PAFAH1B1: variants seen among roughly 807,000 people sequenced by gnomAD.
PAFAH1B1 encodes platelet-activating factor acetylhydrolase IB subunit beta.
In PAFAH1B1, 2 loss-of-function variants were observed where a neutral mutation model predicts 57.5. The observed-to-expected ratio is 0.03, with a 90% CI of 0.01 to 0.11. PAFAH1B1 has a LOEUF of 0.11. PAFAH1B1 is among the 10% of genes least tolerant of loss of function. The probability of loss-of-function intolerance (pLI) is 1.00; values close to 1 mark genes in which losing one functional copy is unlikely to be tolerated. For missense variants in PAFAH1B1, 257 were observed against 512.0 expected (o/e 0.50, Z 4.81); for synonymous variants, 152 against 169.6 (o/e 0.90, Z 0.81).
rs574769094 is a variant in PAFAH1B1, at chr17:2,683,074, T to C, written c.*1272T>C. On this transcript the variant is annotated 3_prime_UTR_variant, in exon 11 of 11. Transcript: ENST00000397195. ...TAGAACAAACCCTTTTTGATCTTAA[T>C]GCTTCTGAAAACTAGGTCTGACTCT... The C allele has an allele frequency of 1.0e-3, 158 of 152,390 alleles. 1 individual carries two copies. Among genetic ancestry groups the C allele is most frequent in the African/African-American group, 3.7e-3 (152 of 41,580 alleles). 9.4% of individuals were successfully genotyped at this position (152,390 alleles called of 1,614,324 possible).
chr17:2,643,289 T>C (rs950164433), intron 2 of PAFAH1B1, among the ~76,000 whole-genome samples: 4 of 151,948 alleles, frequency 2.6e-5, no homozygotes, highest in African/African-American at 9.7e-5. Context: ...TTTTTTGTTT[T>C]CCCCCTTTTG....
rs2068101741 is a variant in PAFAH1B1 at position 2,597,853 on chromosome 17, G to T, written c.-191+3847G>T. On this transcript the variant is annotated intron_variant, in intron 1 of 10. Coordinates refer to ENST00000397195, the MANE Select transcript of PAFAH1B1 (RefSeq NM_000430.4). ...TTATGGCTTATATTTTAAGTATCCAGCAAAAATAAGACCCTCTTGTTTACA... is the reference window on the plus strand; with the variant it reads ...TTATGGCTTATATTTTAAGTATCCATCAAAAATAAGACCCTCTTGTTTACA... 2.0e-5 allele frequency among the ~76,000 whole-genome samples: 3 copies of T among 151,916 alleles called. No homozygotes were observed. In the South Asian group the frequency reaches 6.2e-4, roughly 32 times the overall value.
intron 2 of PAFAH1B1, among the ~76,000 whole-genome samples, chr17:2,652,527 G>C (rs1257362412): frequency 6.6e-6 from 1 of 152,166 alleles, no homozygotes; most frequent in Non-Finnish European, 1.5e-5. Context: ...ACTGACTTTT[G>C]CAGTTAGTTG....
At chr17:2,610,578 G>A (rs1259280344) in intron 1 of PAFAH1B1, among the ~76,000 whole-genome samples, 1 of 152,254 alleles carries the variant, frequency 6.6e-6, no homozygotes, top group South Asian at 2.1e-4. Context: ...GGAAGAAAAA[G>A]AATTGTCTTG....
At chr17:2,594,099 C>T in intron 1 of PAFAH1B1, 93 bp downstream of exon 1, 1 of 393,410 alleles carries the variant, frequency 2.5e-6, no homozygotes, top group Non-Finnish European at 4.5e-6. Context: ...GATGTGGCTG[C>T]GCCGGTCCCC....
intron 2 of PAFAH1B1, among the ~76,000 whole-genome samples, chr17:2,657,312 T>C (rs7212391): frequency 0.99 from 150,880 of 152,314 alleles, 74,750 homozygotes; most frequent in Middle Eastern, 1. Context: ...GGCGCCATCT[T>C]GGCTCACTGC....
At position 2,638,281 on chromosome 17, in the gene PAFAH1B1, C is replaced by T. The variant is rs777811569; in HGVS notation, c.-8C>T. The T allele has an allele frequency of 8.7e-6, 14 of 1,611,520 alleles. No individual in the cohort carries two copies. In the African/African-American group the frequency reaches 1.9e-4, roughly 22 times the overall value. On this transcript the variant is annotated 5_prime_UTR_variant, in exon 2 of 11. Transcript: ENST00000397195. ...ACTATATCAGATAAGCTTGACATTA[C>T]AGCCAAGATGGTGCTGTCCCAGAGA...
intron 2 of PAFAH1B1, among the ~76,000 whole-genome samples, chr17:2,662,586 G>A (rs932438147): frequency 3.3e-5 from 5 of 151,736 alleles, no homozygotes; most frequent in African/African-American, 1.2e-4. Flanking sequence ...TGTATTTTTA[G>A]TAGAGATGGG....
chr17:2,613,807 C>A, intron 1 of PAFAH1B1: 1 of 286,634 alleles, frequency 3.5e-6, no homozygotes, highest in South Asian at 4.4e-5. Flanking sequence ...TGATGCCGGG[C>A]GAGCATCTCC....
At chr17:2,599,557 C>G (rs2068117038) in intron 1 of PAFAH1B1, among the ~76,000 whole-genome samples, 1 of 152,124 alleles carries the variant, frequency 6.6e-6, no homozygotes. Context: ...GTACTAGTTG[C>G]ATTTGACTGA....
intron 6 of PAFAH1B1, among the ~76,000 whole-genome samples, chr17:2,670,768 G>T (rs1439177508): frequency 6.6e-6 from 1 of 152,158 alleles, no homozygotes; most frequent in Non-Finnish European, 1.5e-5. Context: ...GGGTCTTGTT[G>T]TGGGAACTGT....
chr17:2,618,255 A>C (rs2068373682), intron 1 of PAFAH1B1, among the ~76,000 whole-genome samples: 1 of 152,142 alleles, frequency 6.6e-6, no homozygotes, highest in Non-Finnish European at 1.5e-5. Flanking sequence ...TCTCAAACAA[A>C]CCAAACTTTC....
At chr17:2,653,293 ATAGCAT>A (rs2068891308) in intron 2 of PAFAH1B1, among the ~76,000 whole-genome samples, 1 of 152,112 alleles carries the variant, frequency 6.6e-6, no homozygotes, top group Non-Finnish European at 1.5e-5. Context: ...GAGGGGAGGG[ATAGCAT>A]TAGGAGATAT....
chr17:2,594,290 C>A (rs1049736068), intron 1 of PAFAH1B1, among the ~76,000 whole-genome samples: 2 of 152,216 alleles, frequency 1.3e-5, no homozygotes, highest in African/African-American at 4.8e-5. Flanking sequence ...GCTGCCGGCG[C>A]CTCTGCGACC....
chr17:2,626,703 T>C (rs1281376958), intron 1 of PAFAH1B1, among the ~76,000 whole-genome samples: 1 of 151,660 alleles, frequency 6.6e-6, no homozygotes, highest in Non-Finnish European at 1.5e-5. Flanking sequence ...TACATGCGCG[T>C]GCCACCAAGC....
intron 1 of PAFAH1B1, among the ~76,000 whole-genome samples, chr17:2,597,403 CTTTTTT>C (rs1187594089): frequency 4.7e-5 from 3 of 64,394 alleles, no homozygotes; most frequent in South Asian, 6.4e-4. Flanking sequence ...ACATCCGTGT[CTTTTTT>C]TTTTTTTTTT....
chr17:2,612,796 G>A (rs2068282298), intron 1 of PAFAH1B1, among the ~76,000 whole-genome samples: 2 of 151,722 alleles, frequency 1.3e-5, no homozygotes, highest in African/African-American at 4.8e-5. Flanking sequence ...TTTTGTAGAG[G>A]TGGGGATCTC....
intron 2 of PAFAH1B1, among the ~76,000 whole-genome samples, chr17:2,646,361 C>G (rs1378474673): frequency 1.3e-5 from 2 of 152,136 alleles, no homozygotes; most frequent in Admixed American, 6.6e-5. Flanking sequence ...AAAATGAACT[C>G]AGATGATTTT....
chr17:2,659,601 C>T (rs951187245), intron 2 of PAFAH1B1: 1 of 159,476 alleles, frequency 6.3e-6, no homozygotes, highest in African/African-American at 2.5e-5. Flanking sequence ...GAGGCCAAGG[C>T]AGTCAGGTCA....
Sources: gnomAD v4.1 joint callset for allele counts (sites outside exome capture counted in the v4.1 genomes callset) on GRCh38, gnomAD v4.1.1 for gene constraint, MANE v1.5 for transcripts, NCBI Gene and HGNC (gene_info 2026-07-23, HGNC 2026-07-21) for gene names.